Variants in LRRC63 observed in about 807,000 individuals in gnomAD.
LRRC63 encodes the protein leucine-rich repeat-containing protein 63.
A neutral mutation model predicts 49.5 loss-of-function variants in LRRC63; 40 were observed. The ratio of observed to expected loss-of-function variants is 0.81; its 90% CI spans 0.63 to 1.05. The LOEUF (loss-of-function observed/expected upper bound fraction) is 1.05. LRRC63 is among the 50% of genes least tolerant of loss of function. LRRC63 has a pLI of 0.00. For missense variants in LRRC63, 636 were observed against 663.1 expected (o/e 0.96, Z 0.45); for synonymous variants, 191 against 221.1 (o/e 0.86, Z 1.21).
In LRRC63 at chr13:46,212,938, ATTC is replaced by A; in HGVS notation, c.-33-61_-33-59del. 5 of 800,826 alleles carry A rather than the reference ATTC, an allele frequency of 6.2e-6. No homozygotes were observed. In the South Asian group the frequency reaches 7.0e-5, roughly 11 times the overall value. The allele number at this position is 800,826 out of a possible 1,614,324, so 49.6% of individuals were successfully genotyped here. On this transcript the variant is annotated intron_variant, in intron 1 of 9. Coordinates refer to ENST00000595396, the Ensembl canonical transcript of LRRC63. ...TGATTTTCTTTAAGATGTAATCTAA[ATTC>A]TTATTATTTTTCAACAATTCAAACA...
intron 4 of LRRC63, among the ~76,000 whole-genome samples, chr13:46,232,367 A>T (rs1184925153): frequency 6.6e-6 from 1 of 152,270 alleles, no homozygotes; most frequent in Non-Finnish European, 1.5e-5. Context: ...CAAGACTCCA[A>T]GAAACACAGT....
In LRRC63 at chr13:46,276,788, G is replaced by C. The variant is rs74069665; in HGVS notation, c.1749G>C (p.Leu583Phe). 3,351 of 1,156,846 alleles carry C rather than the reference G, an allele frequency of 2.9e-3. 81 individuals are homozygous for C. The African/African-American group carries it at 0.049, about 17-fold the overall frequency. The allele number at this position is 1,156,846 out of a possible 1,614,324, so 71.7% of individuals were successfully genotyped here. A position where few individuals can be genotyped will look rare whatever the true frequency, so the allele number is the denominator to read the frequency against. Residue 583 changes from leucine (L) to phenylalanine (F), a missense_variant, in exon 10 of 10, where the codon TTG becomes TTC. By Grantham distance (22) the Leu-to-Phe change is conservative. Coordinates refer to ENST00000595396, the Ensembl canonical transcript of LRRC63. ...GAAGAATAGCTCTAGATGTGGAGTT[G>C]TCAAAAGAATTATAGTACAATGATT...
At chr13:46,237,318 T>G (rs1029810027) in intron 5 of LRRC63, among the ~76,000 whole-genome samples, 2 of 152,184 alleles carry the variant, frequency 1.3e-5, no homozygotes, top group Non-Finnish European at 2.9e-5. Flanking sequence ...TTATGCATTT[T>G]GAAAACCCAT....
intron 5 of LRRC63, among the ~76,000 whole-genome samples, chr13:46,239,527 C>T (rs758572686): frequency 4.6e-5 from 7 of 152,152 alleles, no homozygotes; most frequent in Non-Finnish European, 1.0e-4. Context: ...CCCAGTGCTA[C>T]ACAGATTCAC....
intron 8 of LRRC63, among the ~76,000 whole-genome samples, chr13:46,265,233 G>C (rs145584872): frequency 0.01 from 1,567 of 152,176 alleles, 12 homozygotes; most frequent in South Asian, 0.033. Flanking sequence ...AAACAGGTGT[G>C]TCCTCCGAGG....
intron 2 of LRRC63, among the ~76,000 whole-genome samples, chr13:46,225,362 G>A (rs1254453010): frequency 1.3e-5 from 2 of 152,230 alleles, no homozygotes; most frequent in Non-Finnish European, 2.9e-5. Flanking sequence ...CCTCAGTCAA[G>A]CAGGTCTCTG....
At chr13:46,247,787 TCCACTAAAA>T (rs1375075142) in intron 6 of LRRC63, among the ~76,000 whole-genome samples, 1 of 152,076 alleles carries the variant, frequency 6.6e-6, no homozygotes, top group Non-Finnish European at 1.5e-5. Flanking sequence ...AATTGCAGTG[TCCACTAAAA>T]TAGTTTCAGA....
intron 7 of LRRC63, among the ~76,000 whole-genome samples, chr13:46,254,858 G>C (rs142809581): frequency 7.0e-4 from 106 of 152,256 alleles, no homozygotes; most frequent in African/African-American, 2.2e-3. Flanking sequence ...GATGGAGAAG[G>C]TAGATTTTAG....
At chr13:46,259,759 G>C (rs1297008068) in intron 7 of LRRC63, among the ~76,000 whole-genome samples, 1 of 151,974 alleles carries the variant, frequency 6.6e-6, no homozygotes. Flanking sequence ...TTTTTAACCT[G>C]TAAAAAACAA....
chr13:46,239,465 T>C (rs890333668), intron 5 of LRRC63, among the ~76,000 whole-genome samples: 2 of 152,036 alleles, frequency 1.3e-5, no homozygotes, highest in African/African-American at 4.8e-5. Flanking sequence ...AACAGACCAA[T>C]AATGAGCTCC....
At chr13:46,232,407 T>G (rs2046790672) in intron 4 of LRRC63, among the ~76,000 whole-genome samples, 1 of 152,142 alleles carries the variant, frequency 6.6e-6, no homozygotes, top group Admixed American at 6.5e-5. Flanking sequence ...GACAAGAAAT[T>G]TATCATAGAG....
intron 5 of LRRC63, among the ~76,000 whole-genome samples, chr13:46,238,849 T>A (rs1468366088): frequency 2.0e-5 from 3 of 152,158 alleles, no homozygotes; most frequent in Non-Finnish European, 2.9e-5. Flanking sequence ...ACTCATACCA[T>A]ACAATTACAT....
intron 2 of LRRC63, among the ~76,000 whole-genome samples, chr13:46,213,983 TA>T (rs1433748882): frequency 2.6e-5 from 4 of 152,216 alleles, no homozygotes; most frequent in African/African-American, 9.6e-5. Context: ...ATCAATCATA[TA>T]AGTAAATGCA....
chr13:46,255,099 T>C (rs2047476008), intron 7 of LRRC63, among the ~76,000 whole-genome samples: 1 of 152,044 alleles, frequency 6.6e-6, no homozygotes, highest in Non-Finnish European at 1.5e-5. Context: ...CAGAATGAAA[T>C]GCTAGTATAT....
chr13:46,236,306 C>T (rs528745143), intron 5 of LRRC63, among the ~76,000 whole-genome samples: 1 of 152,132 alleles, frequency 6.6e-6, no homozygotes, highest in Admixed American at 6.5e-5. Flanking sequence ...AAGCACAAAT[C>T]TATACATCCA....
chr13:46,247,249 GA>G (rs1310860828), intron 6 of LRRC63, among the ~76,000 whole-genome samples: 6 of 151,988 alleles, frequency 3.9e-5, no homozygotes, highest in African/African-American at 1.4e-4. Flanking sequence ...AGATGGTATT[GA>G]AAACATATAT....
chr13:46,225,656 C>T (rs1268213575), intron 2 of LRRC63, among the ~76,000 whole-genome samples: 1 of 152,128 alleles, frequency 6.6e-6, no homozygotes, highest in African/African-American at 2.4e-5. Context: ...ATTGGTATAG[C>T]TATTTTATTG....
chr13:46,260,971 T>C (rs1027956116), intron 7 of LRRC63, among the ~76,000 whole-genome samples: 4 of 152,094 alleles, frequency 2.6e-5, no homozygotes, highest in Non-Finnish European at 4.4e-5. Context: ...AACAAGAAAG[T>C]CTTTGAGAAC....
intron 4 of LRRC63, among the ~76,000 whole-genome samples, chr13:46,229,725 G>T (rs965179435): frequency 1.3e-5 from 2 of 152,092 alleles, no homozygotes; most frequent in Non-Finnish European, 2.9e-5. Flanking sequence ...TTCGAGGCCC[G>T]CCTGGAACAT....
Sources: gnomAD v4.1 joint callset for allele counts (sites outside exome capture counted in the v4.1 genomes callset) on GRCh38, gnomAD v4.1.1 for gene constraint, MANE v1.5 for transcripts, NCBI Gene and HGNC (gene_info 2026-07-23, HGNC 2026-07-21) for gene names.